Variants in DNAJC15 observed in about 807,000 individuals in gnomAD.
The protein encoded by DNAJC15 is DnaJ heat shock protein family (Hsp40) member C15.
In DNAJC15, 27 loss-of-function variants were observed where a neutral mutation model predicts 22.4. The observed-to-expected ratio is 1.20, with a 90% CI of 0.89 to 1.66. The LOEUF is 1.66. Ranked by LOEUF, DNAJC15 falls within the 40% of genes most tolerant of loss-of-function variation. The pLI is 0.00. For missense variants in DNAJC15, 208 were observed against 187.1 expected, an observed-to-expected ratio of 1.11 and a Z score of -0.65; for synonymous variants, 79 against 63.2, an observed-to-expected ratio of 1.25 and a Z score of -1.19.
intron 5 of DNAJC15, among the ~76,000 whole-genome samples, chr13:43,087,348 G>A (rs1178441942): frequency 6.6e-6 from 1 of 152,194 alleles, no homozygotes; most frequent in Non-Finnish European, 1.5e-5. Flanking sequence ...TCTAGTAAAA[G>A]TGTAGTGATA....
At chr13:43,083,635 A>G (rs776872054) in intron 4 of DNAJC15, among the ~76,000 whole-genome samples, 4 of 152,226 alleles carry the variant, frequency 2.6e-5, no homozygotes, top group Non-Finnish European at 2.9e-5. Flanking sequence ...GAGTTGATAA[A>G]TGTAGATTAG....
At chr13:43,101,599 A>G (rs879696430) in intron 5 of DNAJC15, among the ~76,000 whole-genome samples, 1 of 152,062 alleles carries the variant, frequency 6.6e-6, no homozygotes, top group African/African-American at 2.4e-5. Context: ...TCCAAAGTCC[A>G]TTATATCATT....
chr13:43,096,277 T>G (rs1224896880), intron 5 of DNAJC15, among the ~76,000 whole-genome samples: 1 of 152,220 alleles, frequency 6.6e-6, no homozygotes, highest in African/African-American at 2.4e-5. Flanking sequence ...GCTAAAAATT[T>G]TATGCAGTCC....
intron 1 of DNAJC15, among the ~76,000 whole-genome samples, chr13:43,045,278 G>A (rs1369254261): frequency 1.3e-5 from 2 of 152,092 alleles, no homozygotes; most frequent in Non-Finnish European, 2.9e-5. Flanking sequence ...TTTCAGTGAA[G>A]CTTGCCCTAC....
chr13:43,089,211 T>C (rs75097102), intron 5 of DNAJC15, among the ~76,000 whole-genome samples: 3,681 of 152,312 alleles, frequency 0.024, 163 homozygotes, highest in African/African-American at 0.085. Flanking sequence ...GGAAACAACC[T>C]GACACTAATC....
intron 1 of DNAJC15, among the ~76,000 whole-genome samples, chr13:43,034,567 G>C (rs111535119): frequency 2.0e-5 from 3 of 151,618 alleles, no homozygotes; most frequent in Non-Finnish European, 2.9e-5. Context: ...CGCCCGCCTC[G>C]GCCTCCCAAA....
intron 5 of DNAJC15, among the ~76,000 whole-genome samples, chr13:43,093,403 T>C (rs958820371): frequency 6.6e-6 from 1 of 152,196 alleles, no homozygotes; most frequent in Non-Finnish European, 1.5e-5. Flanking sequence ...GTTTTCTTTT[T>C]ATTTTTCTTT....
At chr13:43,028,277 T>C (rs895811920) in intron 1 of DNAJC15, among the ~76,000 whole-genome samples, 2 of 152,196 alleles carry the variant, frequency 1.3e-5, no homozygotes, top group Non-Finnish European at 2.9e-5. Context: ...CTGATTCTCC[T>C]CTTCTTTCCC....
At chr13:43,041,492 C>T (rs2040453963) in intron 1 of DNAJC15, among the ~76,000 whole-genome samples, 1 of 152,202 alleles carries the variant, frequency 6.6e-6, no homozygotes, top group Non-Finnish European at 1.5e-5. Flanking sequence ...AATCTGATCT[C>T]TCTTTCTTTT....
Position 43,028,729 on chromosome 13 carries a change from T to A in DNAJC15, c.108+4995T>A, listed in dbSNP as rs568060318. Among the ~76,000 whole-genome samples the A allele has an allele frequency of 2.0e-5, 3 of 152,342 alleles. No individual in the cohort carries two copies. In the East Asian group the frequency reaches 5.8e-4, roughly 29 times the overall value. ...TATGGTTCTGTGACTTTACTAGAGC[T>A]TTCTCTTCTGAAATTCTTTTCCTGG... On this transcript the variant is annotated intron_variant, in intron 1 of 5. Coordinates refer to ENST00000379221, the MANE Select transcript of DNAJC15 (RefSeq NM_013238.3).
At chr13:43,039,792 G>C (rs551036936) in intron 1 of DNAJC15, among the ~76,000 whole-genome samples, 70 of 152,324 alleles carry the variant, frequency 4.6e-4, no homozygotes, top group Admixed American at 2.2e-3. Context: ...GAGGCAGGGG[G>C]ATCACCTGAA....
At chr13:43,097,109 TC>T (rs2040743538) in intron 5 of DNAJC15, among the ~76,000 whole-genome samples, 2 of 152,200 alleles carry the variant, frequency 1.3e-5, no homozygotes, top group Non-Finnish European at 2.9e-5. Flanking sequence ...ATGTCATGGA[TC>T]ATAAGTGCTT....
At chr13:43,089,519 A>G (rs767051233) in intron 5 of DNAJC15, among the ~76,000 whole-genome samples, 12 of 152,210 alleles carry the variant, frequency 7.9e-5, no homozygotes, top group Non-Finnish European at 1.8e-4. Flanking sequence ...AGTGGTAAAC[A>G]AAGTAAAGGG....
At chr13:43,063,288 G>T (rs2040568011) in intron 1 of DNAJC15, among the ~76,000 whole-genome samples, 1 of 152,230 alleles carries the variant, frequency 6.6e-6, no homozygotes, top group African/African-American at 2.4e-5. Flanking sequence ...GGGATTACAG[G>T]CGTGAGCCAC....
intron 2 of DNAJC15, among the ~76,000 whole-genome samples, chr13:43,067,888 C>T (rs1160097677): frequency 6.6e-6 from 1 of 152,104 alleles, no homozygotes; most frequent in African/African-American, 2.4e-5. Context: ...GAGATACAGG[C>T]AAGTTAGGGA....
chr13:43,047,140 G>T (rs769483326), intron 1 of DNAJC15, among the ~76,000 whole-genome samples: 1 of 152,096 alleles, frequency 6.6e-6, no homozygotes, highest in Non-Finnish European at 1.5e-5. Flanking sequence ...CCAAAGACCC[G>T]CCCGTAACAG....
chr13:43,064,864 C>G (rs1279103132), intron 1 of DNAJC15, among the ~76,000 whole-genome samples: 1 of 151,906 alleles, frequency 6.6e-6, no homozygotes, highest in Admixed American at 6.6e-5. Flanking sequence ...ATACACTACT[C>G]TGGTTGTATC....
rs141721055 is a variant in DNAJC15 at position 43,068,966 on chromosome 13, A to G, written c.197A>G (p.Gln66Arg). The change falls in exon 3 of 6, where the codon CAA becomes CGA. Residue 66 changes from glutamine to arginine, a missense_variant. Transcript: ENST00000379221. ...YAFRIWKPLEQVITETAKKIS... is the reference protein window; with the variant it reads ...YAFRIWKPLERVITETAKKIS... ...TTTCGGATCTGGAAACCTCTAGAAC[A>G]AGTTATCACAGAAACTGCAAAGAAG... The G allele has an allele frequency of 2.9e-5, 47 of 1,613,056 alleles. No individual in the cohort carries two copies. In the Admixed American group the frequency reaches 4.2e-4, roughly 14 times the overall value.
chr13:43,029,146 AAGGG>A (rs1463797722), intron 1 of DNAJC15, among the ~76,000 whole-genome samples: 1 of 152,228 alleles, frequency 6.6e-6, no homozygotes, highest in Admixed American at 6.5e-5. Flanking sequence ...GTTAGCCTCT[AAGGG>A]AGAGCAAGAG....
Sources: gnomAD v4.1 joint callset for allele counts (sites outside exome capture counted in the v4.1 genomes callset) on GRCh38, gnomAD v4.1.1 for gene constraint, MANE v1.5 for transcripts, NCBI Gene and HGNC (gene_info 2026-07-23, HGNC 2026-07-21) for gene names.